SPRED2: variants seen among roughly 807,000 people sequenced by gnomAD.
The protein encoded by SPRED2 is sprouty-related, EVH1 domain-containing protein 2.
A neutral mutation model predicts 43.0 loss-of-function variants in SPRED2; 47 were observed. The ratio of observed to expected loss-of-function variants is 1.09; its 90% CI spans 0.87 to 1.40. SPRED2 has a LOEUF of 1.40. Among genes scored for constraint, SPRED2 ranks in the 40% most tolerant of loss-of-function variants. The pLI is 0.00. For missense variants in SPRED2, 561 were observed against 586.4 expected (o/e 0.96, Z 0.45); for synonymous variants, 225 against 225.7 (o/e 1.00, Z 0.03).
chr2:65,421,034 C>CAT (rs1676411036), intron 1 of SPRED2, among the ~76,000 whole-genome samples: 1 of 152,212 alleles, frequency 6.6e-6, no homozygotes, highest in African/African-American at 2.4e-5. Flanking sequence ...CCTTTCCGTG[C>CAT]ATACATGACT....
chr2:65,313,549 G>A lies in SPRED2; in HGVS notation c.1209C>T (p.Cys403=), dbSNP rs369939169. 6 of 1,613,454 alleles carry A rather than the reference G, an allele frequency of 3.7e-6. No individual in the cohort carries two copies. Among genetic ancestry groups the A allele is most frequent in the Non-Finnish European group, 5.1e-6 (6 of 1,179,760 alleles). ...CYLPLRACYH[C]GVMCRCCGGK... ...CGCCACAGCACCTGCACATCACTCC[G>A]CAGTGGTAGCAGGCCCGAAGGGGCA... Residue 403 remains cysteine (C), a synonymous_variant, in exon 6 of 6, where the codon TGC becomes TGT. Transcript: ENST00000356388.
At position 65,311,564 on chromosome 2, in the gene SPRED2, C is replaced by T. The variant is rs562018118; in HGVS notation, c.*1937G>A. 1.1e-5 allele frequency: 11 copies of T among 985,772 alleles called. No individual in the cohort carries two copies. The East Asian group carries it at 3.4e-4, about 31-fold the overall frequency. The allele number at this position is 985,772 out of a possible 1,614,324, so 61.1% of individuals were successfully genotyped here. A position where few individuals can be genotyped will look rare whatever the true frequency, so the allele number is the denominator to read the frequency against. On this transcript the variant is annotated 3_prime_UTR_variant, in exon 6 of 6. Coordinates refer to ENST00000356388, the MANE Select transcript of SPRED2 (RefSeq NM_181784.3). ...GAGAAAGACCCCAAGGAAGTGCCTC[C>T]GGGTCGGGGGAAGGTGGTCTCTCGA... is the stretch of plus-strand genomic sequence containing the variant.
intron 1 of SPRED2, among the ~76,000 whole-genome samples, chr2:65,405,543 G>A (rs981933070): frequency 6.6e-6 from 1 of 152,008 alleles, no homozygotes; most frequent in South Asian, 2.1e-4. Context: ...CTGTCCAAAC[G>A]AGCAGGACAA....
chr2:65,354,040 CAA>C (rs1273925025), intron 1 of SPRED2, among the ~76,000 whole-genome samples: 15 of 152,294 alleles, frequency 9.8e-5, no homozygotes, highest in African/African-American at 3.1e-4. Flanking sequence ...GGAAATGAAG[CAA>C]AGACACAAAG....
At chr2:65,355,450 C>T (rs920095694) in intron 1 of SPRED2, among the ~76,000 whole-genome samples, 2 of 152,094 alleles carry the variant, frequency 1.3e-5, no homozygotes, top group South Asian at 2.1e-4. Context: ...AGTGTGGTTG[C>T]TCATGTTTGT....
At chr2:65,343,552 T>C (rs1674251267) in intron 2 of SPRED2, among the ~76,000 whole-genome samples, 1 of 152,226 alleles carries the variant, frequency 6.6e-6, no homozygotes, top group Non-Finnish European at 1.5e-5. Flanking sequence ...TCTTGTGGTG[T>C]CTTTGCATTT....
intron 1 of SPRED2, among the ~76,000 whole-genome samples, chr2:65,349,308 C>CAAAA (rs59019958): frequency 0.24 from 20,017 of 83,320 alleles, 3,665 homozygotes; most frequent in East Asian, 0.64. Context: ...GACTCTGTCT[C>CAAAA]AAAAAAAAAA....
Position 65,313,266 on chromosome 2 carries a change from C to T in SPRED2, c.*235G>A, listed in dbSNP as rs1572825893. Reference sequence around the variant, plus strand: ...TGTGGCGAAGGTTCCTTCCTCAGAACACTGTGCGAGCGTGTGTGTATGGAT... The same window carrying T: ...TGTGGCGAAGGTTCCTTCCTCAGAATACTGTGCGAGCGTGTGTGTATGGAT... On this transcript the variant is annotated 3_prime_UTR_variant, in exon 6 of 6. Coordinates refer to ENST00000356388, the MANE Select transcript of SPRED2 (RefSeq NM_181784.3). 1.5e-6 allele frequency: 2 copies of T among 1,339,748 alleles called. No homozygotes were observed. Among genetic ancestry groups the T allele is most frequent in the Non-Finnish European group, 1.9e-6 (2 of 1,049,806 alleles). The allele number at this position is 1,339,748 out of a possible 1,614,324, so 83.0% of individuals were successfully genotyped here.
chr2:65,429,564 G>C (rs572007484), intron 1 of SPRED2, among the ~76,000 whole-genome samples: 7 of 152,304 alleles, frequency 4.6e-5, no homozygotes, highest in Non-Finnish European at 8.8e-5. Context: ...GTAATTCAGA[G>C]AGAAAAACCT....
At chr2:65,401,026 G>A (rs962465587) in intron 1 of SPRED2, among the ~76,000 whole-genome samples, 4 of 152,020 alleles carry the variant, frequency 2.6e-5, no homozygotes, top group Admixed American at 6.6e-5. Flanking sequence ...GGTATGCAGT[G>A]GTGTGATCTT....
intron 1 of SPRED2, among the ~76,000 whole-genome samples, chr2:65,350,637 G>A (rs1335492351): frequency 2.6e-5 from 4 of 152,294 alleles, no homozygotes; most frequent in Middle Eastern, 3.4e-3. Flanking sequence ...TCCTGTCCCG[G>A]GATCACGCAA....
chr2:65,356,828 C>G (rs1674667137), intron 1 of SPRED2, among the ~76,000 whole-genome samples: 2 of 151,920 alleles, frequency 1.3e-5, no homozygotes, highest in Admixed American at 6.6e-5. Flanking sequence ...CCCGTCTCTA[C>G]TAAAAAAATA....
chr2:65,420,651 A>T (rs1418253138), intron 1 of SPRED2, among the ~76,000 whole-genome samples: 2 of 152,190 alleles, frequency 1.3e-5, no homozygotes. Flanking sequence ...ATTAGGGAGA[A>T]CTCCAGACAC....
chr2:65,431,821 C>A (rs974485387), intron 1 of SPRED2, 141 bp downstream of exon 1: 3 of 1,006,748 alleles, frequency 3.0e-6, no homozygotes, highest in African/African-American at 1.6e-5. Flanking sequence ...AGGGAAGCCT[C>A]GCGTCCCAAC....
At chr2:65,381,293 T>C (rs1675368556) in intron 1 of SPRED2, among the ~76,000 whole-genome samples, 3 of 152,190 alleles carry the variant, frequency 2.0e-5, no homozygotes, top group Admixed American at 6.5e-5. Context: ...AATAGACAAA[T>C]GCTCATGCAG....
chr2:65,393,626 C>A (rs537020509), intron 1 of SPRED2, among the ~76,000 whole-genome samples: 1 of 151,982 alleles, frequency 6.6e-6, no homozygotes, highest in South Asian at 2.1e-4. Context: ...TGAACCACTG[C>A]GCCTATTATT....
chr2:65,339,864 T>C (rs1674130218), intron 2 of SPRED2, among the ~76,000 whole-genome samples: 1 of 152,138 alleles, frequency 6.6e-6, no homozygotes, highest in Non-Finnish European at 1.5e-5. Context: ...ATATCTACAA[T>C]TGTCTGAAAA....
chr2:65,307,657 C>G (rs1470905358), downstream of SPRED2, among the ~76,000 whole-genome samples: 1 of 152,110 alleles, frequency 6.6e-6, no homozygotes, highest in Non-Finnish European at 1.5e-5. Flanking sequence ...TTTCCCTGAC[C>G]CCAACAGTGC....
At chr2:65,334,861 G>C (rs1271424643) in intron 2 of SPRED2, 88 bp from the exon 3 acceptor site, 34 of 1,407,652 alleles carry the variant, frequency 2.4e-5, no homozygotes, top group Non-Finnish European at 1.8e-5. Flanking sequence ...ACCATCACTG[G>C]TGGCAACTAC....
Sources: gnomAD v4.1 joint callset for allele counts (sites outside exome capture counted in the v4.1 genomes callset) on GRCh38, gnomAD v4.1.1 for gene constraint, MANE v1.5 for transcripts, NCBI Gene and HGNC (gene_info 2026-07-23, HGNC 2026-07-21) for gene names.